USP34: variants seen among roughly 807,000 people sequenced by gnomAD.
The protein encoded by USP34 is ubiquitin carboxyl-terminal hydrolase 34.
Under a neutral mutation model 460.3 loss-of-function variants are expected in USP34, and 70 were observed. The observed-to-expected ratio is 0.15, with a 90% CI of 0.13 to 0.19. USP34 has a LOEUF of 0.19. Ranked by LOEUF, USP34 falls within the 10% of genes least tolerant of loss-of-function variation. The pLI, the probability that USP34 is intolerant of heterozygous loss-of-function variation, is 1.00. For missense variants in USP34, 3,985 were observed against 4,236.2 expected (o/e 0.94, Z 1.65); for synonymous variants, 1,647 against 1,405.3 (o/e 1.17, Z -3.85).
chr2:61,198,790 A>G (rs1317221140), intron 75 of USP34, among the ~76,000 whole-genome samples: 1 of 151,928 alleles, frequency 6.6e-6, no homozygotes, highest in Non-Finnish European at 1.5e-5. Flanking sequence ...AATTGCTTGA[A>G]CCCGGGAGGT....
At chr2:61,350,419 G>C (rs769827694) in intron 11 of USP34, 30 bp from the exon 12 acceptor site, 2 of 1,593,590 alleles carry the variant, frequency 1.3e-6, no homozygotes, top group Non-Finnish European at 1.7e-6. Flanking sequence ...ATTTCAGTTT[G>C]AGAATTCCAG....
At chr2:61,467,024 G>C (rs1006867354) in intron 1 of USP34, among the ~76,000 whole-genome samples, 1 of 152,068 alleles carries the variant, frequency 6.6e-6, no homozygotes, top group African/African-American at 2.4e-5. Flanking sequence ...CAGCAGTCTT[G>C]GCCAGGCGCG....
intron 27 of USP34, 79 bp downstream of exon 27, chr2:61,311,461 A>G: frequency 6.8e-7 from 1 of 1,469,202 alleles, no homozygotes; most frequent in Non-Finnish European, 9.0e-7. Flanking sequence ...AAAGAAAAGG[A>G]AAGGAGAAAA....
chr2:61,207,106 T>G, intron 70 of USP34: 1 of 418,018 alleles, frequency 2.4e-6, no homozygotes, highest in Non-Finnish European at 4.2e-6. Context: ...GTGTGTATAT[T>G]CTAGTCTGAA....
At chr2:61,337,159 C>T (rs773594187) in intron 18 of USP34, among the ~76,000 whole-genome samples, 2 of 152,200 alleles carry the variant, frequency 1.3e-5, no homozygotes, top group Admixed American at 1.3e-4. Context: ...GGAGCCTCTA[C>T]TGTGTCCCAT....
chr2:61,234,306 C>T (rs1688000658), intron 57 of USP34, among the ~76,000 whole-genome samples: 1 of 152,200 alleles, frequency 6.6e-6, no homozygotes, highest in Non-Finnish European at 1.5e-5. Flanking sequence ...TCTGTTAATT[C>T]GTAAGACTTG....
At position 61,284,779 on chromosome 2, in the gene USP34, AT is replaced by A. The variant is rs1393964585; in HGVS notation, c.4832+95del. 38 of 983,520 alleles carry A rather than the reference AT, an allele frequency of 3.9e-5. No individual in the cohort carries two copies. In the South Asian group the frequency reaches 4.8e-4, roughly 12 times the overall value. 60.9% of individuals were successfully genotyped at this position (983,520 alleles called of 1,614,324 possible). On this transcript the variant is annotated intron_variant, in intron 35 of 79. Coordinates refer to ENST00000398571, the MANE Select transcript of USP34 (RefSeq NM_014709.4). ...GAGATTTCATCATAATATCCCCCAA[AT>A]TTTTCTATTAAGTTTAGAATTTTTC...
At chr2:61,245,831 A>G (rs895157952) in intron 50 of USP34, among the ~76,000 whole-genome samples, 21 of 152,200 alleles carry the variant, frequency 1.4e-4, no homozygotes, top group Non-Finnish European at 1.5e-5. Context: ...TATAGTACCT[A>G]TAGGCCAGAC....
chr2:61,192,403 G>A (rs992856691), intron 76 of USP34, among the ~76,000 whole-genome samples: 7 of 152,176 alleles, frequency 4.6e-5, no homozygotes, highest in African/African-American at 1.4e-4. Context: ...CTTAAGGTAG[G>A]AACAGTAATC....
In USP34 at chr2:61,190,328, T is replaced by C; in HGVS notation, c.9816A>G (p.Leu3272=). 2.5e-6 allele frequency: 4 copies of C among 1,613,894 alleles called. No homozygotes were observed. Among genetic ancestry groups the C allele is most frequent in the Non-Finnish European group, 3.4e-6 (4 of 1,179,940 alleles). ...ITNLISQYQN[L]QSDFSNRVEI... ...CAACTCGGTTGGAGAAATCAGACTG[T>C]AGGTTCTGATACTGGCTTATCAAGT... The change falls in exon 78 of 80, where the codon CTA becomes CTG. Residue 3272 remains leucine, a synonymous_variant. Transcript: ENST00000398571.
intron 3 of USP34, among the ~76,000 whole-genome samples, chr2:61,396,168 G>C (rs1693518150): frequency 6.6e-6 from 1 of 151,516 alleles, no homozygotes; most frequent in Admixed American, 6.6e-5. Context: ...CATGATTTTT[G>C]AAACTGCTTT....
At chr2:61,266,347 G>C (rs998552569) in intron 41 of USP34, among the ~76,000 whole-genome samples, 180 bp from the exon 42 acceptor site, 1 of 152,148 alleles carries the variant, frequency 6.6e-6, no homozygotes, top group Non-Finnish European at 1.5e-5. Context: ...CGAAGGCGGC[G>C]ATCAACTTTT....
intron 1 of USP34, among the ~76,000 whole-genome samples, chr2:61,425,751 G>A (rs1256062743): frequency 1.3e-5 from 2 of 152,126 alleles, no homozygotes; most frequent in Non-Finnish European, 2.9e-5. Flanking sequence ...GAGGTGGTGG[G>A]AAGGGGGACA....
At chr2:61,268,994 T>A (rs1297224654) in intron 41 of USP34, among the ~76,000 whole-genome samples, 1 of 130,820 alleles carries the variant, frequency 7.6e-6, no homozygotes, top group Non-Finnish European at 1.6e-5. Flanking sequence ...CAATATCATG[T>A]ACACAGGAAA....
At chr2:61,258,216 T>A (rs1558495303) in intron 44 of USP34, among the ~76,000 whole-genome samples, 1 of 152,022 alleles carries the variant, frequency 6.6e-6, no homozygotes, top group Non-Finnish European at 1.5e-5. Flanking sequence ...TAGCCAGGCA[T>A]GGTGGTACAA....
chr2:61,294,592 G>C (rs1024190513), intron 32 of USP34, among the ~76,000 whole-genome samples: 1 of 151,854 alleles, frequency 6.6e-6, no homozygotes, highest in Admixed American at 6.6e-5. Context: ...GCTCATTTTT[G>C]CATTTTTAGT....
intron 19 of USP34, 34 bp from the exon 20 acceptor site, chr2:61,331,405 T>G (rs767948787): frequency 6.4e-7 from 1 of 1,569,298 alleles, no homozygotes; most frequent in South Asian, 1.1e-5. Flanking sequence ...AATTTTAAAG[T>G]GGGCAGGGTA....
chr2:61,417,264 A>G, intron 2 of USP34: 1 of 1,079,086 alleles, frequency 9.3e-7, no homozygotes, highest in Non-Finnish European at 1.4e-6. Context: ...AAGGTCCCTT[A>G]GAGCAACCTA....
intron 41 of USP34, among the ~76,000 whole-genome samples, chr2:61,271,082 G>A (rs992822302): frequency 6.6e-6 from 1 of 151,970 alleles, no homozygotes; most frequent in African/African-American, 2.4e-5. Context: ...TCAGGAATTC[G>A]AGACCAGCAT....
Sources: allele counts gnomAD v4.1 joint callset (sites outside exome capture counted in the v4.1 genomes callset), GRCh38; gene constraint gnomAD v4.1.1; transcripts MANE v1.5; gene names NCBI Gene and HGNC (gene_info 2026-07-23, HGNC 2026-07-21).